GIGYF2: variants seen among roughly 807,000 people sequenced by gnomAD.
GIGYF2 encodes GRB10 interacting GYF protein 2.
Under a neutral mutation model 208.1 loss-of-function variants are expected in GIGYF2, and 25 were observed. The observed-to-expected ratio is 0.12, with a 90% CI of 0.09 to 0.17. The LOEUF is 0.17. Among genes scored for constraint, GIGYF2 ranks in the 10% least tolerant of loss-of-function variants. The pLI is 1.00. For missense variants in GIGYF2, 1,302 were observed against 1,579.4 expected, an observed-to-expected ratio of 0.82 and a Z score of 2.98; for synonymous variants, 534 against 543.8, an observed-to-expected ratio of 0.98 and a Z score of 0.25.
chr2:232,818,502 GTT>G (rs1700980555), intron 20 of GIGYF2, among the ~76,000 whole-genome samples: 1 of 152,138 alleles, frequency 6.6e-6, no homozygotes, highest in Non-Finnish European at 1.5e-5. Flanking sequence ...TAGATATCCA[GTT>G]TTCCCACCAC....
intron 27 of GIGYF2, 91 bp from the exon 28 acceptor site, chr2:232,850,171 C>G (rs1690260224): frequency 9.2e-7 from 1 of 1,085,032 alleles, no homozygotes; most frequent in Non-Finnish European, 1.4e-6. Context: ...TAAGCTCATT[C>G]TTGATAAGGT....
intron 21 of GIGYF2, among the ~76,000 whole-genome samples, chr2:232,831,235 C>T (rs1701417646): frequency 1.3e-5 from 2 of 152,310 alleles, no homozygotes; most frequent in South Asian, 2.1e-4. Flanking sequence ...TGTACTGACT[C>T]CTTGGAAGTC....
chr2:232,793,668 A>G (rs1700138126), intron 12 of GIGYF2, among the ~76,000 whole-genome samples: 1 of 152,152 alleles, frequency 6.6e-6, no homozygotes, highest in African/African-American at 2.4e-5. Context: ...GAGAATGAAA[A>G]TTGAAAAGAT....
At chr2:232,810,413 G>A (rs1302501493) in intron 16 of GIGYF2, 3 of 153,706 alleles carry the variant, frequency 2.0e-5, no homozygotes, top group Non-Finnish European at 4.3e-5. Context: ...AAATATATAT[G>A]TATATAAGCG....
rs775324034 is a variant in GIGYF2 at position 232,847,517 on chromosome 2, A to AGCAGCAGCTGCCGCAG, written c.3630_3631insGCAGCAGCTGCCGCAG (p.Gln1211AlafsTer51). ...AGCAGCGTCAGCAGCAGCAGCTGCC[A>AGCAGCAGCTGCCGCAG]CAGCAGCAGCAGCAGCAGCCGCCAC... On this transcript the variant is annotated frameshift_variant, in exon 27 of 29. Transcript: ENST00000373563. LOFTEE classifies it high-confidence loss of function. 9.1e-5 allele frequency: 38 copies of AGCAGCAGCTGCCGCAG among 415,932 alleles called. No homozygotes were observed. The highest frequency in any genetic ancestry group is 7.6e-4 in the East Asian group (18 of 23,612). 25.8% of individuals were successfully genotyped at this position (415,932 alleles called of 1,614,324 possible). A position where few individuals can be genotyped will look rare whatever the true frequency, so the allele number is the denominator to read the frequency against.
chr2:232,813,841 A>C (rs1700818843), intron 18 of GIGYF2, among the ~76,000 whole-genome samples: 1 of 151,586 alleles, frequency 6.6e-6, no homozygotes, highest in African/African-American at 2.4e-5. Context: ...ATGGTTCAAA[A>C]TCTAAAACTT....
At chr2:232,700,262 C>G (rs1695783276) in intron 1 of GIGYF2, among the ~76,000 whole-genome samples, 1 of 152,106 alleles carries the variant, frequency 6.6e-6, no homozygotes, top group African/African-American at 2.4e-5. Flanking sequence ...TCTTGTTTTT[C>G]TATTGTGTTT....
intron 2 of GIGYF2, chr2:232,705,703 C>T (rs1289665651): frequency 6.5e-6 from 1 of 152,872 alleles, no homozygotes; most frequent in Admixed American, 6.5e-5. Context: ...CCGTGTGTGG[C>T]CTTTATTTTT....
intron 5 of GIGYF2, among the ~76,000 whole-genome samples, chr2:232,754,770 T>C (rs878962911): frequency 1.1e-4 from 16 of 152,190 alleles, no homozygotes; most frequent in Non-Finnish European, 2.1e-4. Context: ...CATTTTATTA[T>C]AGTTTGAAAT....
intron 14 of GIGYF2, among the ~76,000 whole-genome samples, chr2:232,805,949 TTG>T (rs1386596541): frequency 5.3e-5 from 8 of 152,350 alleles, no homozygotes; most frequent in African/African-American, 1.7e-4. Flanking sequence ...CAGAGTGAAT[TTG>T]TATGTTATTT....
rs1163430078 is a variant in GIGYF2 at position 232,810,180 on chromosome 2, G to C, written c.1898+369G>C. ...TTTTTGTATTTTTAGTAGAGATGGG[G>C]TTTTACTGTGTTGGCGAGGCTGGCC... On this transcript the variant is annotated intron_variant, in intron 16 of 28. Coordinates refer to ENST00000373563, the MANE Select transcript of GIGYF2 (RefSeq NM_001103146.3). The C allele has an allele frequency of 2.3e-5, 5 of 216,038 alleles. No homozygotes were observed. The East Asian group carries it at 6.1e-4, about 26-fold the overall frequency. 13.4% of individuals were successfully genotyped at this position (216,038 alleles called of 1,614,324 possible). A position where few individuals can be genotyped will look rare whatever the true frequency, so the allele number is the denominator to read the frequency against.
intron 23 of GIGYF2, chr2:232,843,175 G>C (rs62193338): frequency 2.4e-5 from 3 of 123,812 alleles, no homozygotes; most frequent in Non-Finnish European, 5.0e-5. Flanking sequence ...GTGTGTGTGT[G>C]TGTGTGTATA....
chr2:232,716,472 G>A (rs1221533748), intron 2 of GIGYF2, among the ~76,000 whole-genome samples: 1 of 140,572 alleles, frequency 7.1e-6, no homozygotes, highest in Non-Finnish European at 1.5e-5. Context: ...TCCACCTCCC[G>A]CGTTCAAGCA....
intron 2 of GIGYF2, among the ~76,000 whole-genome samples, chr2:232,706,804 T>A (rs1290911726): frequency 6.6e-6 from 1 of 150,514 alleles, no homozygotes; most frequent in Non-Finnish European, 1.5e-5. Flanking sequence ...TAAATAAAAA[T>A]AAATAATTAG....
intron 21 of GIGYF2, among the ~76,000 whole-genome samples, chr2:232,822,906 T>C (rs1701136319): frequency 6.6e-6 from 1 of 152,212 alleles, no homozygotes; most frequent in African/African-American, 2.4e-5. Context: ...ATAGAAGTGG[T>C]TAAAATGTAT....
chr2:232,858,644 G>C lies in GIGYF2; in HGVS notation c.*1784G>C, dbSNP rs1574963051. 4.5e-6 allele frequency: 2 copies of C among 443,758 alleles called. No homozygotes were observed. Among genetic ancestry groups the C allele is most frequent in the East Asian group, 7.0e-5 (1 of 14,312 alleles). The allele number at this position is 443,758 out of a possible 1,614,324, so 27.5% of individuals were successfully genotyped here. A position where few individuals can be genotyped will look rare whatever the true frequency, so the allele number is the denominator to read the frequency against. ...TGTATTCTATCTGAGTGCACCTCTT[G>C]TACTCACCTTTATGGAGGCTGAGTT... On this transcript the variant is annotated 3_prime_UTR_variant, in exon 29 of 29. Transcript: ENST00000373563.
chr2:232,796,358 G>A, intron 14 of GIGYF2, 137 bp downstream of exon 14: 1 of 687,374 alleles, frequency 1.5e-6, no homozygotes, highest in East Asian at 2.7e-5. Context: ...ACGCAGACTA[G>A]AAGTGTTTCT....
In GIGYF2 at chr2:232,753,269, G is replaced by C. The variant is rs1212195482; in HGVS notation, c.268-2954G>C. On this transcript the variant is annotated intron_variant, in intron 5 of 28. Transcript: ENST00000373563. ...CTCCTGAGTAGCTGGGATTATAGAC[G>C]CCCGCCACCACGCCTGGCTAATTTT... Among the ~76,000 whole-genome samples the C allele has an allele frequency of 2.6e-5, 4 of 151,672 alleles. No homozygotes were observed. The South Asian group carries it at 6.3e-4, about 24-fold the overall frequency.
intron 14 of GIGYF2, among the ~76,000 whole-genome samples, chr2:232,802,892 C>T (rs966256526): frequency 2.1e-5 from 3 of 142,592 alleles, no homozygotes; most frequent in Non-Finnish European, 4.5e-5. Context: ...TTTCCTTTGT[C>T]CAGAGATTTT....
Sources: gnomAD v4.1 joint callset for allele counts (sites outside exome capture counted in the v4.1 genomes callset) on GRCh38, gnomAD v4.1.1 for gene constraint, MANE v1.5 for transcripts, NCBI Gene and HGNC (gene_info 2026-07-23, HGNC 2026-07-21) for gene names.